Variants in CPNE6 observed in about 807,000 individuals in gnomAD.
CPNE6 encodes the protein copine-6.
In CPNE6, 33 loss-of-function variants were observed where a neutral mutation model predicts 71.5. The observed-to-expected ratio is 0.46, with a 90% confidence interval of 0.35 to 0.62. The LOEUF is 0.62. Among genes scored for constraint, CPNE6 ranks in the 20% least tolerant of loss-of-function variants. CPNE6 has a pLI of 0.00. For missense variants in CPNE6, 576 were observed against 747.3 expected (o/e 0.77, Z 2.67); for synonymous variants, 296 against 293.0 (o/e 1.01, Z -0.10).
rs984133173 is a variant in CPNE6 at position 24,071,510 on chromosome 14, C to T, written c.-119-17C>T. ...GGGGAGCTGGTGCTGCGCCCCCCCCCACCCCTCCCCATCCAGGCCCCATAA... is the reference window on the plus strand; with the variant it reads ...GGGGAGCTGGTGCTGCGCCCCCCCCTACCCCTCCCCATCCAGGCCCCATAA... On this transcript the variant is annotated splice_polypyrimidine_tract_variant and intron_variant, in intron 1 of 17. Transcript: ENST00000397016. The T allele has an allele frequency of 4.9e-4, 728 of 1,492,628 alleles. 8 individuals are homozygous for T. Among genetic ancestry groups the T allele is most frequent in the Middle Eastern group, 2.6e-3 (11 of 4,256 alleles). 92.5% of individuals were successfully genotyped at this position (1,492,628 alleles called of 1,614,324 possible).
At chr14:24,076,267 G>T in exon 12 of CPNE6, 1 of 1,614,250 alleles carries the variant, frequency 6.2e-7, no homozygotes, top group Middle Eastern at 1.6e-4. Context: ...GGAGGCATCT[G>T]CCAGGACTAT....
rs539391422 is a variant in CPNE6, at chr14:24,075,885, C to T, written c.923C>T (p.Thr308Met). 2.5e-6 allele frequency: 4 copies of T among 1,614,020 alleles called. No individual in the cohort carries two copies. Among genetic ancestry groups the T allele is most frequent in the South Asian group, 1.1e-5 (1 of 91,072 alleles). The change falls in exon 11 of 18, where the codon ACG becomes ATG. Residue 308 changes from threonine to methionine, a missense_variant and splice_region_variant. This residue lies in a region of CPNE6 where 9 missense variants were observed against 35.7 expected (regional missense o/e 0.25). Transcript: ENST00000397016. This position sits in a 1 kb window ranked among gnomAD's most constrained non-coding sequence, Gnocchi z 4.3. ...ATGGGTGGCTGCCAGATCAGCTTCA[C>T]GGTAAAGACTCAGAGGGAGGGCACA... is the stretch of plus-strand genomic sequence containing the variant.
rs755181561 is a variant in CPNE6, at chr14:24,073,521, G to C, written c.191G>C (p.Arg64Pro). The change falls in exon 4 of 18, where the codon CGC becomes CCC. Residue 64 changes from arginine (R) to proline (P), a missense_variant. Physicochemically the swap from Arg to Pro is moderately radical, Grantham distance 103. Coordinates refer to ENST00000397016, the Ensembl canonical transcript of CPNE6. This position sits in a 1 kb window ranked among gnomAD's most constrained non-coding sequence, Gnocchi z 5.5. ...CAGGTAGAGCGCACAGAGGTGCTTCGCTCCTGTTCCAGCCCTGTCTTCTCC... is the reference window on the plus strand; with the variant it reads ...CAGGTAGAGCGCACAGAGGTGCTTCCCTCCTGTTCCAGCCCTGTCTTCTCC... 10 of 1,613,582 alleles carry C rather than the reference G, an allele frequency of 6.2e-6. No individual in the cohort carries two copies. The highest frequency in any genetic ancestry group is 6.8e-6 in the Non-Finnish European group (8 of 1,179,998).
rs754323190 is a variant in CPNE6, at chr14:24,073,107, G to A, written c.168+3G>A. 4 of 1,450,554 alleles carry A rather than the reference G, an allele frequency of 2.8e-6. No homozygotes were observed. Among genetic ancestry groups the A allele is most frequent in the Non-Finnish European group, 3.6e-6 (4 of 1,101,096 alleles). 89.9% of individuals were successfully genotyped at this position (1,450,554 alleles called of 1,614,324 possible). ...ACTCTGATGAGCAGTGGGTGGAGGTGAGAGCAGCTCAGGTTTCTCCTTAAC... is the reference window on the plus strand; with the variant it reads ...ACTCTGATGAGCAGTGGGTGGAGGTAAGAGCAGCTCAGGTTTCTCCTTAAC... On this transcript the variant is annotated splice_donor_region_variant and intron_variant, in intron 3 of 17. Transcript: ENST00000397016. This position sits in a 1 kb window ranked among gnomAD's most constrained non-coding sequence, Gnocchi z 5.5.
In CPNE6 at chr14:24,072,770, C is replaced by T. The variant is rs147969647; in HGVS notation, c.-4-163C>T. On this transcript the variant is annotated intron_variant, in intron 2 of 17. Transcript: ENST00000397016. ...GGGAGGCTCAGGTCCTCTGCCCTCC[C>T]CTGCTCAGAACTCTGGTGAAGCTGA... 1.1e-5 allele frequency: 6 copies of T among 560,984 alleles called. No homozygotes were observed. The African/African-American group carries it at 1.2e-4, about 11-fold the overall frequency. The allele number at this position is 560,984 out of a possible 1,614,324, so 34.8% of individuals were successfully genotyped here.
Position 24,076,558 on chromosome 14 carries a change from G to T in CPNE6, c.1165+1G>T. ...GACCCGGAAAATCCTGAATGTGAAGGTAAAAGGGGAGATTTTCACCTGCCC... is the reference window on the plus strand; with the variant it reads ...GACCCGGAAAATCCTGAATGTGAAGTTAAAAGGGGAGATTTTCACCTGCCC... On this transcript the variant is annotated splice_donor_variant, in intron 14 of 17. Transcript: ENST00000397016. LOFTEE classifies it high-confidence loss of function. The T allele has an allele frequency of 6.2e-7, 1 of 1,614,106 alleles. No individual in the cohort carries two copies. Among genetic ancestry groups the T allele is most frequent in the Non-Finnish European group, 8.5e-7 (1 of 1,180,010 alleles).
At chr14:24,071,501 G>GT in intron 1 of CPNE6, 61 bp from the exon 1 acceptor site, 2 of 1,416,698 alleles carry the variant, frequency 1.4e-6, no homozygotes, top group African/African-American at 1.5e-5. Flanking sequence ...CTGGTGCTGC[G>GT]CCCCCCCCCA....
Position 24,073,612 on chromosome 14 carries a change from C to T in CPNE6, c.282C>T (p.Ala94=), listed in dbSNP as rs761294576. The T allele has an allele frequency of 6.8e-6, 11 of 1,613,846 alleles. No homozygotes were observed. The highest frequency in any genetic ancestry group is 1.7e-4 in the Middle Eastern group (1 of 5,956). ...CCCTGCAGTTCCACGTGTTCGATGC[C>T]GAGGACGGAGCCACCAGCCCCCGAA... The change falls in exon 4 of 18, where the codon GCC becomes GCT. Residue 94 remains alanine, a synonymous_variant. Transcript: ENST00000397016. This position sits in a 1 kb window ranked among gnomAD's most constrained non-coding sequence, Gnocchi z 5.5.
chr14:24,076,956 A>G (rs762314838), exon 15 of CPNE6: 1 of 1,612,982 alleles, frequency 6.2e-7, no homozygotes, highest in Middle Eastern at 1.6e-4. Context: ...TGTGGCCCCC[A>G]TCATCAACCG....
At chr14:24,071,505 C>T (rs970032924) in intron 1 of CPNE6, 57 bp from the exon 1 acceptor site, 7 of 1,097,228 alleles carry the variant, frequency 6.4e-6, no homozygotes, top group Non-Finnish European at 8.6e-6. Flanking sequence ...TGCTGCGCCC[C>T]CCCCCACCCC....
Position 24,077,409 on chromosome 14 carries a change from T to C in CPNE6, c.1536+19T>C. The C allele has an allele frequency of 6.2e-7, 1 of 1,607,266 alleles. No individual in the cohort carries two copies. The highest frequency in any genetic ancestry group is 8.5e-7 in the Non-Finnish European group (1 of 1,174,094). ...CAAGGATGTGAGTCCCCCGGGCCCC[T>C]TCCGGCTGAAGGACTCCTCAGCTTC... On this transcript the variant is annotated intron_variant, in intron 16 of 17. Transcript: ENST00000397016. The surrounding 1 kb of genome is among the most constrained non-coding windows in gnomAD (Gnocchi z 6.1).
rs1380735759 is a variant in CPNE6, at chr14:24,077,897, C to T, written c.*47C>T. On this transcript the variant is annotated 3_prime_UTR_variant, in exon 18 of 18. Transcript: ENST00000397016. This position sits in a 1 kb window ranked among gnomAD's most constrained non-coding sequence, Gnocchi z 6.1. ...TCCCACCCCCTCCCAGGTGCCTGTCCTGACCCTCGTGACTCCAGTGACCAA... is the reference window on the plus strand; with the variant it reads ...TCCCACCCCCTCCCAGGTGCCTGTCTTGACCCTCGTGACTCCAGTGACCAA... The T allele has an allele frequency of 1.4e-6, 1 of 697,838 alleles. No individual in the cohort carries two copies. The highest frequency in any genetic ancestry group is 3.0e-5 in the East Asian group (1 of 33,276). 43.2% of individuals were successfully genotyped at this position (697,838 alleles called of 1,614,324 possible).
exon 14 of CPNE6, chr14:24,076,532 T>G: frequency 1.9e-6 from 3 of 1,614,116 alleles, no homozygotes; most frequent in African/African-American, 1.3e-5. Flanking sequence ...CTATCAACTT[T>G]GACCCGGAAA....
chr14:24,074,719 A>C lies in CPNE6; in HGVS notation c.596A>C (p.Asn199Thr). 1.9e-6 allele frequency: 3 copies of C among 1,614,020 alleles called. No individual in the cohort carries two copies. Among genetic ancestry groups the C allele is most frequent in the Non-Finnish European group, 2.5e-6 (3 of 1,179,984 alleles). ...TGCCTCTCCAAGGTGGTGAAGAACA[A>C]CCTGAACCCCAGCTGGGAGCCGTTC... is the stretch of plus-strand genomic sequence containing the variant. The change falls in exon 8 of 18, where the codon AAC (asparagine) becomes ACC (threonine). Residue 199 changes from asparagine to threonine, a missense_variant. Asn to Thr is a moderately conservative substitution (Grantham distance 65, BLOSUM62 0). Coordinates refer to ENST00000397016, the Ensembl canonical transcript of CPNE6. This position sits in a 1 kb window ranked among gnomAD's most constrained non-coding sequence, Gnocchi z 4.5.
intron 1 of CPNE6, chr14:24,071,158 C>T (rs989636272): frequency 2.8e-5 from 31 of 1,102,216 alleles, no homozygotes; most frequent in Non-Finnish European, 3.4e-5. Flanking sequence ...AATGTGTATC[C>T]GCCGGGGGCT....
exon 15 of CPNE6, chr14:24,076,978 C>T (rs922716529): frequency 1.2e-6 from 2 of 1,612,168 alleles, no homozygotes; most frequent in Non-Finnish European, 1.7e-6. Context: ...GTGGCTGAGC[C>T]GGCCCAGCGG....
chr14:24,076,766 G>A, intron 14 of CPNE6, 113 bp from the exon 14 acceptor site: 1 of 1,547,018 alleles, frequency 6.5e-7, no homozygotes, highest in Non-Finnish European at 8.8e-7. Flanking sequence ...GCTTAATGAA[G>A]GAACTCGAGG....
Position 24,075,132 on chromosome 14 carries a change from C to A in CPNE6, c.673-40C>A. 1 of 1,434,712 alleles carries A rather than the reference C, an allele frequency of 7.0e-7. No homozygotes were observed. Among genetic ancestry groups the A allele is most frequent in the Non-Finnish European group, 9.8e-7 (1 of 1,016,360 alleles). The allele number at this position is 1,434,712 out of a possible 1,614,324, so 88.9% of individuals were successfully genotyped here. A position where few individuals can be genotyped will look rare whatever the true frequency, so the allele number is the denominator to read the frequency against. ...CCTACTCACCGTGAATACCGCAGAG[C>A]ATCTCCAACCTGACCCCACCCCTCC... is the stretch of plus-strand genomic sequence containing the variant. On this transcript the variant is annotated intron_variant, in intron 8 of 17. Transcript: ENST00000397016. The surrounding 1 kb of genome is among the most constrained non-coding windows in gnomAD (Gnocchi z 4.3).
In CPNE6 at chr14:24,075,155, T is replaced by G; in HGVS notation, c.673-17T>G. The stretch of plus-strand genomic sequence containing the variant: ...AGCATCTCCAACCTGACCCCACCCC[T>G]CCCCCTGCCTTCTCAGTTCCTGGTG... On this transcript the variant is annotated splice_polypyrimidine_tract_variant and intron_variant, in intron 8 of 17. Coordinates refer to ENST00000397016, the Ensembl canonical transcript of CPNE6. The surrounding 1 kb of genome is among the most constrained non-coding windows in gnomAD (Gnocchi z 4.3). 1 of 1,580,138 alleles carries G rather than the reference T, an allele frequency of 6.3e-7. No homozygotes were observed. Among genetic ancestry groups the G allele is most frequent in the Non-Finnish European group, 8.7e-7 (1 of 1,151,610 alleles).
Sources: allele counts gnomAD v4.1 joint callset, GRCh38; gene constraint gnomAD v4.1.1; regional missense constraint gnomAD v4.1.1; non-coding constraint Gnocchi (gnomAD v3.1); transcripts MANE v1.5; gene names NCBI Gene and HGNC (gene_info 2026-07-23, HGNC 2026-07-21).